The following TOX variants were observed in gnomAD, a reference collection of about 807,000 sequenced individuals.
The protein encoded by TOX is thymocyte selection associated high mobility group box, also known as thymocyte selection-associated high mobility group box protein TOX.
TOX carries 11 observed loss-of-function variants against 53.7 expected under a neutral mutation model. The ratio of observed to expected loss-of-function variants is 0.20; its 90% confidence interval spans 0.13 to 0.34. The LOEUF (loss-of-function observed/expected upper bound fraction) is 0.34. Among genes scored for constraint, TOX ranks in the 10% least tolerant of loss-of-function variants. The pLI, the probability that TOX is intolerant of heterozygous loss-of-function variation, is 1.00. For synonymous variants in TOX, 225 were observed against 245.3 expected (o/e 0.92, Z 0.77); for missense variants, 570 against 664.6 (o/e 0.86, Z 1.56).
intron 1 of TOX, among the ~76,000 whole-genome samples, chr8:58,976,632 A>G (rs562717870): frequency 6.6e-6 from 1 of 152,252 alleles, no homozygotes; most frequent in Non-Finnish European, 1.5e-5. Flanking sequence ...CAGGTCCATC[A>G]AAGGAATCAT....
At chr8:58,923,143 C>T (rs1812100480) in intron 3 of TOX, among the ~76,000 whole-genome samples, 1 of 151,822 alleles carries the variant, frequency 6.6e-6, no homozygotes, top group African/African-American at 2.4e-5. Context: ...GAAGGGTGGT[C>T]AATCTAATTA....
chr8:58,875,739 T>C (rs79942515), intron 3 of TOX, among the ~76,000 whole-genome samples: 2,121 of 152,278 alleles, frequency 0.014, 40 homozygotes, highest in African/African-American at 0.048. Flanking sequence ...GCAAAAGTTC[T>C]GGAAAGGTTA....
chr8:58,873,361 T>A (rs562157053), intron 3 of TOX, among the ~76,000 whole-genome samples: 1 of 151,950 alleles, frequency 6.6e-6, no homozygotes, highest in Admixed American at 6.6e-5. Flanking sequence ...CTCATAGGAG[T>A]CTTTGACTTC....
chr8:59,016,812 C>T (rs1814019496), intron 1 of TOX, among the ~76,000 whole-genome samples: 1 of 152,148 alleles, frequency 6.6e-6, no homozygotes, highest in Non-Finnish European at 1.5e-5. Context: ...TTATTTTTTA[C>T]CATATGATTC....
Position 58,882,320 on chromosome 8 carries a change from C to T in TOX, c.412-30515G>A, listed in dbSNP as rs1365141152. Reference sequence around the variant, plus strand: ...CTAGGACATTCTATGCCTGGCTTCACGATGACTTTATCTTTCATTGGACAG... The same window carrying T: ...CTAGGACATTCTATGCCTGGCTTCATGATGACTTTATCTTTCATTGGACAG... On this transcript the variant is annotated intron_variant, in intron 3 of 8. Coordinates refer to ENST00000361421, the MANE Select transcript of TOX (RefSeq NM_014729.3). 7.2e-5 allele frequency among the ~76,000 whole-genome samples: 11 copies of T among 152,300 alleles called. No homozygotes were observed. The East Asian group carries it at 1.2e-3, about 16-fold the overall frequency.
chr8:58,871,352 TC>T (rs1376387299), intron 3 of TOX, among the ~76,000 whole-genome samples: 5 of 152,122 alleles, frequency 3.3e-5, no homozygotes, highest in Non-Finnish European at 7.4e-5. Context: ...TAGGCATTTA[TC>T]AAAACCTTTA....
chr8:59,065,234 CA>C (rs1554543446), intron 1 of TOX, among the ~76,000 whole-genome samples: 1 of 151,910 alleles, frequency 6.6e-6, no homozygotes, highest in Non-Finnish European at 1.5e-5. Flanking sequence ...ACAACAACAA[CA>C]AAAAAACCAT....
intron 1 of TOX, among the ~76,000 whole-genome samples, chr8:59,089,623 C>T (rs936393618): frequency 6.6e-6 from 1 of 152,208 alleles, no homozygotes; most frequent in African/African-American, 2.4e-5. Context: ...CAAGGTCTTG[C>T]TCTGTCACCT....
At chr8:58,935,628 A>C (rs1472406391) in intron 3 of TOX, among the ~76,000 whole-genome samples, 2 of 152,144 alleles carry the variant, frequency 1.3e-5, no homozygotes, top group African/African-American at 4.8e-5. Flanking sequence ...TTAAACTCTC[A>C]TATCTGTAGA....
intron 1 of TOX, among the ~76,000 whole-genome samples, chr8:59,017,356 A>T (rs944079512): frequency 6.6e-6 from 1 of 152,200 alleles, no homozygotes; most frequent in African/African-American, 2.4e-5. Context: ...TGCATCAGAG[A>T]GTATTTTTCA....
chr8:59,093,947 G>T (rs1339071277), intron 1 of TOX, among the ~76,000 whole-genome samples: 1 of 152,120 alleles, frequency 6.6e-6, no homozygotes, highest in African/African-American at 2.4e-5. Context: ...ACAAGTATTT[G>T]CCTACAACAT....
intron 1 of TOX, among the ~76,000 whole-genome samples, chr8:59,090,765 A>G (rs1440477322): frequency 6.6e-6 from 1 of 151,982 alleles, no homozygotes; most frequent in Non-Finnish European, 1.5e-5. Flanking sequence ...GCCCCATCTC[A>G]TCACTCTGGG....
At chr8:58,987,891 C>T (rs1163822261) in intron 1 of TOX, among the ~76,000 whole-genome samples, 1 of 152,160 alleles carries the variant, frequency 6.6e-6, no homozygotes, top group Non-Finnish European at 1.5e-5. Flanking sequence ...GTGGGGACTT[C>T]TTCTGAAGCA....
chr8:58,834,665 A>G (rs560312775), intron 5 of TOX, among the ~76,000 whole-genome samples: 1 of 152,314 alleles, frequency 6.6e-6, no homozygotes, highest in Admixed American at 6.5e-5. Context: ...CGATGACTCT[A>G]GCAAACTGCT....
intron 5 of TOX, among the ~76,000 whole-genome samples, chr8:58,832,366 T>G (rs955776574): frequency 6.6e-6 from 1 of 152,022 alleles, no homozygotes; most frequent in Non-Finnish European, 1.5e-5. Context: ...CCTTCACTCC[T>G]AGTTTTTAAA....
At chr8:58,903,903 T>C (rs1269455704) in intron 3 of TOX, among the ~76,000 whole-genome samples, 1 of 152,196 alleles carries the variant, frequency 6.6e-6, no homozygotes, top group Non-Finnish European at 1.5e-5. Flanking sequence ...CCCAGGGTTC[T>C]TTCCACTGTG....
intron 4 of TOX, among the ~76,000 whole-genome samples, chr8:58,842,263 C>G (rs769808393): frequency 4.6e-5 from 7 of 152,020 alleles, no homozygotes; most frequent in Admixed American, 1.3e-4. Context: ...GGAAGACAGA[C>G]CCTCAGTGTG....
chr8:58,915,528 C>T (rs1812001627), intron 3 of TOX, among the ~76,000 whole-genome samples: 1 of 121,940 alleles, frequency 8.2e-6, no homozygotes, highest in Non-Finnish European at 1.7e-5. Flanking sequence ...CCAGAAAGGA[C>T]ATCTACACCG....
intron 1 of TOX, among the ~76,000 whole-genome samples, chr8:59,013,480 G>A (rs759833501): frequency 6.7e-6 from 1 of 150,272 alleles, no homozygotes; most frequent in Admixed American, 6.6e-5. Flanking sequence ...GCGCGATCTC[G>A]GCTCACTACA....
Sources: allele counts gnomAD v4.1 joint callset (sites outside exome capture counted in the v4.1 genomes callset), GRCh38; gene constraint gnomAD v4.1.1; transcripts MANE v1.5; gene names NCBI Gene and HGNC (gene_info 2026-07-23, HGNC 2026-07-21).